SNED1: variants seen among roughly 807,000 people sequenced by gnomAD.
SNED1 encodes sushi, nidogen and EGF like domains 1.
SNED1 carries 81 observed loss-of-function variants against 166.7 expected under a neutral mutation model. The ratio of observed to expected loss-of-function variants is 0.49; its 90% confidence interval spans 0.41 to 0.58. The LOEUF is 0.58. Among genes scored for constraint, SNED1 ranks in the 20% least tolerant of loss-of-function variants. The pLI, the probability that SNED1 is intolerant of heterozygous loss-of-function variation, is 0.00. For missense variants in SNED1, 1,604 were observed against 2,000.2 expected, an observed-to-expected ratio of 0.80 and a Z score of 3.78; for synonymous variants, 762 against 822.0, an observed-to-expected ratio of 0.93 and a Z score of 1.25.
chr2:241,042,096 A>C (rs2061536481), intron 8 of SNED1, among the ~76,000 whole-genome samples: 1 of 152,132 alleles, frequency 6.6e-6, no homozygotes, highest in South Asian at 2.1e-4. Flanking sequence ...CTTTGAATTG[A>C]GGAGACAAAG....
intron 1 of SNED1, among the ~76,000 whole-genome samples, chr2:241,003,760 T>C (rs1390629753): frequency 6.6e-6 from 1 of 152,190 alleles, no homozygotes; most frequent in Non-Finnish European, 1.5e-5. Context: ...GAGAAGAGAC[T>C]CACAGGGAAG....
intron 30 of SNED1, 196 bp from the exon 31 acceptor site, chr2:241,088,169 C>G (rs1051720946): frequency 1.7e-6 from 1 of 577,580 alleles, no homozygotes; most frequent in African/African-American, 1.9e-5. Context: ...TCCTAAACTA[C>G]TGCCTCAAGC....
intron 1 of SNED1, among the ~76,000 whole-genome samples, chr2:241,025,636 T>C (rs1203678454): frequency 6.6e-6 from 1 of 152,248 alleles, no homozygotes; most frequent in Non-Finnish European, 1.5e-5. Context: ...TGACTTGAAG[T>C]TGATCTGTTA....
intron 9 of SNED1, 33 bp from the exon 10 acceptor site, chr2:241,048,629 C>A (rs1486342989): frequency 6.4e-7 from 1 of 1,571,360 alleles, no homozygotes; most frequent in Non-Finnish European, 8.7e-7. Flanking sequence ...TCTGCGCCCC[C>A]ACATGGGAGG....
Position 241,073,921 on chromosome 2 carries a change from TAA to T in SNED1, c.3916+558_3916+559del, listed in dbSNP as rs1392160154. On this transcript the variant is annotated intron_variant, in intron 27 of 31. Coordinates refer to ENST00000310397, the MANE Select transcript of SNED1 (RefSeq NM_001080437.3). The surrounding 1 kb of genome is among the most constrained non-coding windows in gnomAD (Gnocchi z 6.6). Reference sequence around the variant, plus strand: ...CCAAGCATCTGCTGAGCACCTGCAGTAAGAGTTCCCAGACGCTCACGAGGCAG... The same window carrying T: ...CCAAGCATCTGCTGAGCACCTGCAGTGAGTTCCCAGACGCTCACGAGGCAG... The T allele has an allele frequency of 6.2e-6, 1 of 160,360 alleles. No individual in the cohort carries two copies. Among genetic ancestry groups the T allele is most frequent in the Non-Finnish European group, 1.4e-5 (1 of 73,686 alleles). 9.9% of individuals were successfully genotyped at this position (160,360 alleles called of 1,614,324 possible). A position where few individuals can be genotyped will look rare whatever the true frequency, so the allele number is the denominator to read the frequency against.
At chr2:241,012,645 G>A (rs1219296252) in intron 1 of SNED1, among the ~76,000 whole-genome samples, 2 of 152,160 alleles carry the variant, frequency 1.3e-5, no homozygotes, top group Non-Finnish European at 2.9e-5. Context: ...AGACAAAATT[G>A]ACAGACAAAA....
At chr2:241,004,391 T>A (rs966494095) in intron 1 of SNED1, among the ~76,000 whole-genome samples, 1 of 152,264 alleles carries the variant, frequency 6.6e-6, no homozygotes, top group African/African-American at 2.4e-5. Flanking sequence ...TTACATTTAA[T>A]GTAATTATCA....
chr2:240,999,747 G>A lies in SNED1; in HGVS notation c.213+697G>A, dbSNP rs543107077. 1.3e-3 allele frequency among the ~76,000 whole-genome samples: 191 copies of A among 152,272 alleles called. No individual in the cohort carries two copies. Among genetic ancestry groups the A allele is most frequent in the African/African-American group, 4.1e-3 (172 of 41,552 alleles). On this transcript the variant is annotated intron_variant, in intron 1 of 31. Transcript: ENST00000310397. The surrounding 1 kb of genome is among the most constrained non-coding windows in gnomAD (Gnocchi z 5.8). ...GCTGAAGGAACAGGCCCGAGTGCCG[G>A]TTCTGTCTCCATGGCTCCCAGAGTG... is the stretch of plus-strand genomic sequence containing the variant.
At chr2:241,072,951 TAAG>T (rs1166864751) in intron 26 of SNED1, 7 of 405,174 alleles carry the variant, frequency 1.7e-5, no homozygotes, top group Non-Finnish European at 2.7e-5. Flanking sequence ...AATTTGACCC[TAAG>T]AAGAAAGCAA....
intron 6 of SNED1, among the ~76,000 whole-genome samples, chr2:241,039,190 T>G (rs1428292236): frequency 6.6e-6 from 1 of 152,094 alleles, no homozygotes; most frequent in African/African-American, 2.4e-5. Context: ...AACTAAAGGC[T>G]AGGGTGTGCA....
intron 1 of SNED1, among the ~76,000 whole-genome samples, chr2:241,005,265 A>G (rs911955031): frequency 3.3e-5 from 5 of 151,688 alleles, no homozygotes; most frequent in Non-Finnish European, 4.4e-5. Context: ...GTGCAGTGGC[A>G]TGATCTCAGC....
At chr2:241,063,980 C>G (rs1359349427) in intron 18 of SNED1, 32 bp from the exon 19 acceptor site, 13 of 1,472,362 alleles carry the variant, frequency 8.8e-6, no homozygotes, top group Non-Finnish European at 1.2e-5. Context: ...TCCCCCCTTG[C>G]AGCTTGGGCC....
intron 1 of SNED1, among the ~76,000 whole-genome samples, chr2:241,000,178 G>T (rs529663227): frequency 2.6e-5 from 4 of 152,158 alleles, no homozygotes; most frequent in Admixed American, 2.6e-4. Flanking sequence ...CACATCCTCT[G>T]CATGGTTGTC....
At chr2:241,036,936 G>C in intron 5 of SNED1, 21 bp downstream of exon 5, 1 of 1,599,366 alleles carries the variant, frequency 6.3e-7, no homozygotes, top group South Asian at 1.1e-5. Context: ...GGCCCAGGGC[G>C]GGACCACCCG....
chr2:241,028,258 A>G (rs1574918887), intron 1 of SNED1, among the ~76,000 whole-genome samples: 1 of 152,116 alleles, frequency 6.6e-6, no homozygotes, highest in East Asian at 1.9e-4. Context: ...CTCTGTTAAT[A>G]GTGTATTTTG....
rs1432851944 is a variant in SNED1, at chr2:241,064,171, CCCCGCCCTCTG to C, written c.2599+53_2599+63del. ...GCTCCCCGCCCTCTGCCCGCCTGCT[CCCCGCCCTCTG>C]CCCGCCTGCTGCCCGCCCTCTGCCC... On this transcript the variant is annotated intron_variant, in intron 19 of 31. Coordinates refer to ENST00000310397, the MANE Select transcript of SNED1 (RefSeq NM_001080437.3). This position sits in a 1 kb window ranked among gnomAD's most constrained non-coding sequence, Gnocchi z 7.0. The C allele has an allele frequency of 8.4e-6, 11 of 1,311,452 alleles. No individual in the cohort carries two copies. In the East Asian group the frequency reaches 2.1e-4, roughly 25 times the overall value. 81.2% of individuals were successfully genotyped at this position (1,311,452 alleles called of 1,614,324 possible).
At chr2:241,035,913 TGC>T (rs2125017252) in intron 4 of SNED1, among the ~76,000 whole-genome samples, 2 of 54,278 alleles carry the variant, frequency 3.7e-5, no homozygotes, top group East Asian at 7.6e-4. Context: ...GGTGCAGGCG[TGC>T]CACGGGGTGG....
chr2:241,030,796 C>T (rs1415529373), intron 2 of SNED1, among the ~76,000 whole-genome samples: 1 of 152,222 alleles, frequency 6.6e-6, no homozygotes, highest in East Asian at 1.9e-4. Flanking sequence ...ACCAAATTCC[C>T]CAAAGCAGCA....
Position 241,073,204 on chromosome 2 carries a change from C to T in SNED1, c.3818-62C>T, listed in dbSNP as rs1483797790. 12 of 1,253,784 alleles carry T rather than the reference C, an allele frequency of 9.6e-6. No individual in the cohort carries two copies. Among genetic ancestry groups the T allele is most frequent in the Non-Finnish European group, 1.4e-5 (12 of 882,014 alleles). 77.7% of individuals were successfully genotyped at this position (1,253,784 alleles called of 1,614,324 possible). ...GATATAGAAGCACTCAAAAGGGTGG[C>T]CCCAGGACCATCCCGGGTGCAAAGC... is the stretch of plus-strand genomic sequence containing the variant. On this transcript the variant is annotated intron_variant, in intron 26 of 31. Transcript: ENST00000310397. This position sits in a 1 kb window ranked among gnomAD's most constrained non-coding sequence, Gnocchi z 6.6.
Sources: gnomAD v4.1 joint callset for allele counts (sites outside exome capture counted in the v4.1 genomes callset) on GRCh38, gnomAD v4.1.1 for gene constraint, Gnocchi (gnomAD v3.1) non-coding constraint, MANE v1.5 for transcripts, NCBI Gene and HGNC (gene_info 2026-07-23, HGNC 2026-07-21) for gene names.